Variants in COL7A1 observed in about 807,000 individuals in gnomAD.
COL7A1 encodes collagen alpha-1(VII) chain.
In COL7A1, 296 loss-of-function variants were observed where a neutral mutation model predicts 456.2. The ratio of observed to expected loss-of-function variants is 0.65; its 90% CI spans 0.59 to 0.71. The LOEUF is 0.71. COL7A1 is among the 30% of genes least tolerant of loss of function. The pLI, the probability that COL7A1 is intolerant of heterozygous loss-of-function variation, is 0.00. For missense variants in COL7A1, 3,441 were observed against 4,017.2 expected, an observed-to-expected ratio of 0.86 and a Z score of 3.88; for synonymous variants, 1,464 against 1,525.9, an observed-to-expected ratio of 0.96 and a Z score of 0.95.
intron 47 of COL7A1, 69 bp from the exon 48 acceptor site, chr3:48,582,012 A>G (rs1276202936): frequency 6.2e-7 from 1 of 1,603,518 alleles, no homozygotes; most frequent in East Asian, 2.2e-5. Context: ...CTTCATTGGA[A>G]TGGAGGTCAC....
Position 48,595,148 on chromosome 3 carries a change from C to T in COL7A1, c.12G>A (p.Arg4=), listed in dbSNP as rs1270204950. 49 of 1,552,484 alleles carry T rather than the reference C, an allele frequency of 3.2e-5. No individual in the cohort carries two copies. Among genetic ancestry groups the T allele is most frequent in the Non-Finnish European group, 4.2e-5 (48 of 1,148,052 alleles). ...CGGCGCAGAGCGCGGCCACCAGAAG[C>T]CGCAGCGTCATCCTAGGCAGTAAAA... MTL[R]LLVAALCAGI... is the part of the protein sequence containing the mutation. The change falls in exon 2 of 119, where the codon CGG becomes CGA. Residue 4 remains arginine, a synonymous_variant. Transcript: ENST00000681320.
rs143458723 is a variant in COL7A1 at position 48,574,509 on chromosome 3, C to T, written c.6435G>A (p.Pro2145=). ...GIKGDRGEPG[P]RGQDGNPGLP... ...TTACCGGGTTGCCGTCCTGACCCCTCGGTCCAGGCTCTCCCCGGTCTCCTT... is the reference window on the plus strand; with the variant it reads ...TTACCGGGTTGCCGTCCTGACCCCTTGGTCCAGGCTCTCCCCGGTCTCCTT... The change falls in exon 79 of 119, where the codon CCG becomes CCA. Residue 2145 remains proline, a synonymous_variant. Coordinates refer to ENST00000681320, the MANE Select transcript of COL7A1 (RefSeq NM_000094.4). The surrounding 1 kb of genome is among the most constrained non-coding windows in gnomAD (Gnocchi z 5.0). 3.4e-5 allele frequency: 55 copies of T among 1,613,966 alleles called. No homozygotes were observed. The highest frequency in any genetic ancestry group is 7.7e-5 in the South Asian group (7 of 91,090).
chr3:48,590,079 C>G lies in COL7A1; in HGVS notation c.2050+134G>C, dbSNP rs2045581738. ...TGAAACTGAAGAGGAAGCAGCGTCT[C>G]TGAGGGAGGAGGGAGTGGGATTCTG... On this transcript the variant is annotated intron_variant, in intron 16 of 118. Coordinates refer to ENST00000681320, the MANE Select transcript of COL7A1 (RefSeq NM_000094.4). The surrounding 1 kb of genome is among the most constrained non-coding windows in gnomAD (Gnocchi z 4.6). 2 of 984,376 alleles carry G rather than the reference C, an allele frequency of 2.0e-6. No homozygotes were observed. The highest frequency in any genetic ancestry group is 3.2e-5 in the African/African-American group (2 of 62,282). The allele number at this position is 984,376 out of a possible 1,614,324, so 61.0% of individuals were successfully genotyped here.
chr3:48,594,187 G>A lies in COL7A1; in HGVS notation c.266+181C>T, dbSNP rs1004196134. ...GCCTGGAGGTGCCTCAGGGCACGAA[G>A]GTTCTACCTAGGGAATCCTTACCTC... On this transcript the variant is annotated intron_variant, in intron 3 of 118. Coordinates refer to ENST00000681320, the MANE Select transcript of COL7A1 (RefSeq NM_000094.4). This position sits in a 1 kb window ranked among gnomAD's most constrained non-coding sequence, Gnocchi z 5.5. Among the ~76,000 whole-genome samples, 1 of 152,238 alleles carries A rather than the reference G, an allele frequency of 6.6e-6. No homozygotes were observed. The highest frequency in any genetic ancestry group is 1.5e-5 in the Non-Finnish European group (1 of 68,030).
rs374720779 is a variant in COL7A1 at position 48,572,205 on chromosome 3, C to T, written c.6979-34G>A. The T allele has an allele frequency of 6.2e-7, 1 of 1,614,006 alleles. No individual in the cohort carries two copies. Among genetic ancestry groups the T allele is most frequent in the East Asian group, 2.2e-5 (1 of 44,872 alleles). ...AGAGGTCAGGAGGCAACACAGGCAT[C>T]AGTCACAGAAAGATGAGACTCCGGA... On this transcript the variant is annotated intron_variant, in intron 90 of 118. Coordinates refer to ENST00000681320, the MANE Select transcript of COL7A1 (RefSeq NM_000094.4). This position sits in a 1 kb window ranked among gnomAD's most constrained non-coding sequence, Gnocchi z 4.6.
rs1258121734 is a variant in COL7A1, at chr3:48,575,809, G to A, written c.5856+58C>T. On this transcript the variant is annotated intron_variant, in intron 72 of 118. Transcript: ENST00000681320. The surrounding 1 kb of genome is among the most constrained non-coding windows in gnomAD (Gnocchi z 6.3). ...GTCGCCGCAGCCCCTATGCCTGTGG[G>A]CACCACTAGCCCCAAGGGCCCCCAC... The A allele has an allele frequency of 6.2e-7, 1 of 1,613,972 alleles. No individual in the cohort carries two copies. Among genetic ancestry groups the A allele is most frequent in the Non-Finnish European group, 8.5e-7 (1 of 1,180,002 alleles).
chr3:48,595,001 G>A, intron 2 of COL7A1, 74 bp downstream of exon 2: 1 of 1,253,892 alleles, frequency 8.0e-7, no homozygotes, highest in Non-Finnish European at 1.1e-6. Flanking sequence ...GGGGGTGTTG[G>A]GGATGAAGGC....
In COL7A1 at chr3:48,565,700, T is replaced by C. The variant is rs775764404; in HGVS notation, c.8408-32A>G. ...GGGGCAGAGAGGGATAGAGAGACAA[T>C]GACAGAGAGAAGGATGGGAAGATGG... is the stretch of plus-strand genomic sequence containing the variant. On this transcript the variant is annotated intron_variant, in intron 114 of 118. Coordinates refer to ENST00000681320, the MANE Select transcript of COL7A1 (RefSeq NM_000094.4). This position sits in a 1 kb window ranked among gnomAD's most constrained non-coding sequence, Gnocchi z 4.5. The C allele has an allele frequency of 6.3e-7, 1 of 1,595,538 alleles. No homozygotes were observed. The highest frequency in any genetic ancestry group is 1.1e-5 in the South Asian group (1 of 89,032).
Position 48,575,806 on chromosome 3 carries a change from T to C in COL7A1, c.5857-58A>G, listed in dbSNP as rs1362306085. 6.2e-7 allele frequency: 1 copy of C among 1,613,766 alleles called. No homozygotes were observed. The highest frequency in any genetic ancestry group is 8.5e-7 in the Non-Finnish European group (1 of 1,179,928). ...TGCGTCGCCGCAGCCCCTATGCCTG[T>C]GGGCACCACTAGCCCCAAGGGCCCC... On this transcript the variant is annotated intron_variant, in intron 72 of 118. Transcript: ENST00000681320. This position sits in a 1 kb window ranked among gnomAD's most constrained non-coding sequence, Gnocchi z 6.3.
chr3:48,576,858 A>C (rs2044346257), intron 67 of COL7A1, 26 bp downstream of exon 67: 1 of 1,613,962 alleles, frequency 6.2e-7, no homozygotes, highest in African/African-American at 1.3e-5. Flanking sequence ...CAGGGGTCAG[A>C]GGTTGCAGAA....
rs756258247 is a variant in COL7A1, at chr3:48,578,499, C to T, written c.5441G>A (p.Arg1814His). ...DPGRDGLPGLRGEQGLPGPSG... is the reference protein window; with the variant it reads ...DPGRDGLPGLHGEQGLPGPSG... ...GGGGCCAGGGAGGCCCTGTTCTCCACGGAGGCCTGGAAGCCCCTGGAAAAA... is the reference window on the plus strand; with the variant it reads ...GGGGCCAGGGAGGCCCTGTTCTCCATGGAGGCCTGGAAGCCCCTGGAAAAA... Residue 1814 changes from arginine to histidine, a missense_variant, in exon 64 of 119, where the codon CGT becomes CAT. Transcript: ENST00000681320. This position sits in a 1 kb window ranked among gnomAD's most constrained non-coding sequence, Gnocchi z 4.7. 41 of 1,612,212 alleles carry T rather than the reference C, an allele frequency of 2.5e-5. No individual in the cohort carries two copies. In the East Asian group the frequency reaches 6.7e-4, roughly 26 times the overall value.
intron 44 of COL7A1, 121 bp from the exon 45 acceptor site, chr3:48,582,774 AG>A: frequency 8.2e-7 from 1 of 1,222,112 alleles, no homozygotes; most frequent in Non-Finnish European, 1.2e-6. Flanking sequence ...TTAGGTTGGC[AG>A]GGGTAAGACT....
At position 48,564,420 on chromosome 3, in the gene COL7A1, T is replaced by C; in HGVS notation, c.8821A>G (p.Thr2941Ala). The C allele has an allele frequency of 3.7e-6, 6 of 1,614,068 alleles. No homozygotes were observed. The highest frequency in any genetic ancestry group is 5.1e-6 in the Non-Finnish European group (6 of 1,179,980). The change falls in exon 119 of 119, where the codon ACT (threonine) becomes GCT (alanine). Residue 2941 changes from threonine to alanine, a missense_variant and splice_region_variant. Coordinates refer to ENST00000681320, the MANE Select transcript of COL7A1 (RefSeq NM_000094.4). The surrounding 1 kb of genome is among the most constrained non-coding windows in gnomAD (Gnocchi z 6.0). ...PRVVQSQGTGTAQD is the reference protein window; with the variant it reads ...PRVVQSQGTGAAQD ...TTATCTGGGCCTCAGTCCTGGGCAG[T>C]ACCTGGTGAGGACAGGTTGGAAACG...
At position 48,571,976 on chromosome 3, in the gene COL7A1, G is replaced by A. The variant is rs756785467; in HGVS notation, c.7068+25C>T. The A allele has an allele frequency of 8.7e-6, 14 of 1,609,366 alleles. No individual in the cohort carries two copies. The South Asian group carries it at 1.0e-4, about 11-fold the overall frequency. On this transcript the variant is annotated intron_variant, in intron 92 of 118. Transcript: ENST00000681320. This position sits in a 1 kb window ranked among gnomAD's most constrained non-coding sequence, Gnocchi z 4.6. ...CCATCACACTCCTCAGGCCAGGCTC[G>A]CCCTTGCCTAGGCCCCGGACTCACA...
Position 48,580,093 on chromosome 3 carries a change from T to C in COL7A1, c.5098-36A>G, listed in dbSNP as rs767282340. 2 of 1,612,802 alleles carry C rather than the reference T, an allele frequency of 1.2e-6. No individual in the cohort carries two copies. Among genetic ancestry groups the C allele is most frequent in the Admixed American group, 3.3e-5 (2 of 59,930 alleles). ...AAATGATTATAGTCAATAGGAGCCCTCAGGTCCCAGGCCATGGCTCTGGTT... is the reference window on the plus strand; with the variant it reads ...AAATGATTATAGTCAATAGGAGCCCCCAGGTCCCAGGCCATGGCTCTGGTT... On this transcript the variant is annotated intron_variant, in intron 56 of 118. Transcript: ENST00000681320. The surrounding 1 kb of genome is among the most constrained non-coding windows in gnomAD (Gnocchi z 4.5).
rs9871180 is a variant in COL7A1 at position 48,573,957 on chromosome 3, G to A, written c.6502-67C>T. 0.035 allele frequency: 55,896 copies of A among 1,592,188 alleles called. 1,236 individuals are homozygous for A. Among genetic ancestry groups the A allele is most frequent in the East Asian group, 0.088 (3,888 of 44,134 alleles). On this transcript the variant is annotated intron_variant, in intron 80 of 118. Transcript: ENST00000681320. This position sits in a 1 kb window ranked among gnomAD's most constrained non-coding sequence, Gnocchi z 5.5. ...CTTGGGCCTGTTCCCAACCTCTGGGGGCTTTTTCCTTGGGGGTCAATTTCC... is the reference window on the plus strand; with the variant it reads ...CTTGGGCCTGTTCCCAACCTCTGGGAGCTTTTTCCTTGGGGGTCAATTTCC...
chr3:48,568,672 C>A lies in COL7A1; in HGVS notation c.7758+112G>T, dbSNP rs970561209. On this transcript the variant is annotated intron_variant, in intron 104 of 118. Coordinates refer to ENST00000681320, the MANE Select transcript of COL7A1 (RefSeq NM_000094.4). This position sits in a 1 kb window ranked among gnomAD's most constrained non-coding sequence, Gnocchi z 5.2. The stretch of plus-strand genomic sequence containing the variant: ...AGATCCCGGGTGAACACACATGGGG[C>A]CGGCAGCAAGGGAGCCAGAACCCCC... 2.7e-6 allele frequency: 4 copies of A among 1,471,820 alleles called. No individual in the cohort carries two copies. In the African/African-American group the frequency reaches 4.2e-5, roughly 15 times the overall value. 91.2% of individuals were successfully genotyped at this position (1,471,820 alleles called of 1,614,324 possible).
chr3:48,584,844 A>C, intron 34 of COL7A1, 66 bp downstream of exon 34: 1 of 1,613,784 alleles, frequency 6.2e-7, no homozygotes, highest in Non-Finnish European at 8.5e-7. Context: ...CCACCACCCC[A>C]GGCTCCCACC....
At position 48,583,579 on chromosome 3, in the gene COL7A1, G is replaced by A. The variant is rs2044952664; in HGVS notation, c.4378C>T (p.Gln1460Ter). 1.2e-6 allele frequency: 2 copies of A among 1,613,904 alleles called. No homozygotes were observed. The highest frequency in any genetic ancestry group is 3.3e-5 in the Admixed American group (2 of 60,002). The change falls in exon 41 of 119, where the codon CAA (glutamine) becomes TAA (stop). Residue 1460 changes from glutamine (Q) to a stop codon, truncating the protein, a stop_gained. Transcript: ENST00000681320. LOFTEE classifies it high-confidence loss of function. The surrounding 1 kb of genome is among the most constrained non-coding windows in gnomAD (Gnocchi z 5.1). Reference sequence around the variant, plus strand: ...ACCTGCTCACCCGGAGACCCAGGTTGTCCTGGGAGGCCTGGAGCTCCATCC... The same window carrying A: ...ACCTGCTCACCCGGAGACCCAGGTTATCCTGGGAGGCCTGGAGCTCCATCC... ...SEDGAPGLPG[Q>*]PGSPGEQGPR...
Sources: allele counts gnomAD v4.1 joint callset (sites outside exome capture counted in the v4.1 genomes callset), GRCh38; gene constraint gnomAD v4.1.1; non-coding constraint Gnocchi (gnomAD v3.1); transcripts MANE v1.5; gene names NCBI Gene and HGNC (gene_info 2026-07-23, HGNC 2026-07-21).